Variants in HIGD1C observed in about 807,000 individuals in gnomAD.
The protein encoded by HIGD1C is HIG1 hypoxia inducible domain family member 1C.
Under a neutral mutation model 13.1 loss-of-function variants are expected in HIGD1C, and 11 were observed. That is an observed-to-expected ratio of 0.84 (90% confidence interval 0.53 to 1.39). The LOEUF is 1.39. Ranked by LOEUF, HIGD1C falls within the 40% of genes most tolerant of loss-of-function variation. The pLI, the probability that HIGD1C is intolerant of heterozygous loss-of-function variation, is 0.00. For synonymous variants in HIGD1C, 36 were observed against 37.7 expected (o/e 0.95, Z 0.17); for missense variants, 110 against 112.0 (o/e 0.98, Z 0.08).
At chr12:50,968,843 T>G (rs905892838) in intron 2 of HIGD1C, among the ~76,000 whole-genome samples, 5 of 147,196 alleles carry the variant, frequency 3.4e-5, no homozygotes, top group Admixed American at 2.8e-4. Flanking sequence ...CGCCTGACCC[T>G]AATTTTTTTA....
chr12:50,964,754 C>T (rs796365630), intron 2 of HIGD1C, among the ~76,000 whole-genome samples: 8 of 152,340 alleles, frequency 5.3e-5, no homozygotes, highest in African/African-American at 1.7e-4. Flanking sequence ...TTTGCTCCAG[C>T]AGCAAAACCA....
At chr12:50,964,384 T>A (rs868571576) in intron 2 of HIGD1C, among the ~76,000 whole-genome samples, 2 of 152,244 alleles carry the variant, frequency 1.3e-5, no homozygotes, top group South Asian at 4.1e-4. Context: ...ACCTGGATTA[T>A]TAGGCATCCT....
chr12:50,962,848 C>T (rs570789205), intron 2 of HIGD1C, among the ~76,000 whole-genome samples: 11 of 152,170 alleles, frequency 7.2e-5, no homozygotes, highest in African/African-American at 2.6e-4. Flanking sequence ...AGAGAAGGAC[C>T]TCAGGATTCT....
intron 1 of HIGD1C, among the ~76,000 whole-genome samples, chr12:50,957,456 C>T (rs1164370486): frequency 1.3e-5 from 2 of 151,918 alleles, no homozygotes; most frequent in East Asian, 3.9e-4. Flanking sequence ...GTCTCAGCCT[C>T]CCAAAGTGCT....
intron 2 of HIGD1C, among the ~76,000 whole-genome samples, chr12:50,963,187 T>A (rs1249683768): frequency 1.3e-5 from 2 of 151,612 alleles, no homozygotes; most frequent in Non-Finnish European, 2.9e-5. Flanking sequence ...CTGGTCAACA[T>A]GGTGAAACCC....
downstream of HIGD1C, among the ~76,000 whole-genome samples, chr12:50,971,685 C>T (rs1252399585): frequency 6.6e-6 from 1 of 152,092 alleles, no homozygotes; most frequent in Non-Finnish European, 1.5e-5. Flanking sequence ...CCAAAGACTC[C>T]AAGCCTAGGA....
the HIGD1C span, among the ~76,000 whole-genome samples, chr12:50,933,729 C>T: frequency 1.1e-4 from 17 of 152,228 alleles, no homozygotes; most frequent in African/African-American, 4.1e-4. Context: ...TGCCAATGGA[C>T]CCTCAGGTCA....
the HIGD1C span, among the ~76,000 whole-genome samples, chr12:50,946,312 A>C: frequency 1.3e-5 from 2 of 152,210 alleles, no homozygotes; most frequent in Non-Finnish European, 2.9e-5. Context: ...AATGGGAGAA[A>C]ATTTTTGCAA....
the HIGD1C span, among the ~76,000 whole-genome samples, chr12:50,934,468 T>C: frequency 6.6e-6 from 1 of 152,234 alleles, no homozygotes; most frequent in Non-Finnish European, 1.5e-5. Context: ...TCAACAGATA[T>C]TTATTGAGTG....
the HIGD1C span, among the ~76,000 whole-genome samples, chr12:50,941,239 C>T: frequency 2.9e-4 from 44 of 152,088 alleles, no homozygotes; most frequent in Non-Finnish European, 5.9e-5. Context: ...TCCTCCGCCT[C>T]GATCTCCCAA....
At chr12:50,952,864 G>A (rs1938948757), upstream of HIGD1C, among the ~76,000 whole-genome samples, 1 of 152,118 alleles carries the variant, frequency 6.6e-6, no homozygotes, top group Non-Finnish European at 1.5e-5. Context: ...CCAGTGTTGT[G>A]ACCCTGTGCC....
At chr12:50,939,986 G>A in the HIGD1C span, 1 of 149,994 alleles carries the variant, frequency 6.7e-6, no homozygotes, top group Middle Eastern at 3.2e-3. Context: ...ATAACTGGCT[G>A]TGATCAGTTC....
At chr12:50,970,597 C>T (rs1179154524), downstream of HIGD1C, 10 of 741,038 alleles carry the variant, frequency 1.3e-5, no homozygotes, top group Non-Finnish European at 1.8e-5. Context: ...AATTTTACTA[C>T]ACAAGTGTCA....
At chr12:50,948,865 AG>A in the HIGD1C span, among the ~76,000 whole-genome samples, 9 of 8,986 alleles carry the variant, frequency 1.0e-3, no homozygotes, top group South Asian at 7.1e-3. Context: ...AGCGAGGAGG[AG>A]GGGGGAGGGG....
the HIGD1C span, among the ~76,000 whole-genome samples, chr12:50,937,051 G>C: frequency 2.0e-5 from 3 of 152,212 alleles, no homozygotes; most frequent in Non-Finnish European, 2.9e-5. Context: ...CTACATGTCA[G>C]ACACATTGCT....
the HIGD1C span, among the ~76,000 whole-genome samples, chr12:50,941,046 A>G: frequency 6.6e-6 from 1 of 152,130 alleles, no homozygotes; most frequent in East Asian, 1.9e-4. Flanking sequence ...TTTACAAAAA[A>G]CCGAGATGAG....
At chr12:50,948,521 C>T in the HIGD1C span, among the ~76,000 whole-genome samples, 2 of 151,864 alleles carry the variant, frequency 1.3e-5, no homozygotes, top group African/African-American at 4.8e-5. Flanking sequence ...CTTTATTTTC[C>T]TTTGACCCAG....
the HIGD1C span, among the ~76,000 whole-genome samples, chr12:50,937,910 CCATGGGCAGCCATG>C: frequency 3.7e-4 from 56 of 152,174 alleles, 2 homozygotes; most frequent in African/African-American, 1.3e-3. Flanking sequence ...GCTGATGGGT[CCATGGGCAGCCATG>C]CATGGGCCTG....
chr12:50,952,645 C>T (rs911180363), upstream of HIGD1C, among the ~76,000 whole-genome samples: 2 of 152,228 alleles, frequency 1.3e-5, no homozygotes, highest in Non-Finnish European at 2.9e-5. Context: ...AGCAACGTCA[C>T]GTCTTTCCCC....
Sources: gnomAD v4.1 joint callset for allele counts (sites outside exome capture counted in the v4.1 genomes callset) on GRCh38, gnomAD v4.1.1 for gene constraint, MANE v1.5 for transcripts, NCBI Gene and HGNC (gene_info 2026-07-23, HGNC 2026-07-21) for gene names.